The following RASGRF2 variants were observed in gnomAD, a reference collection of about 807,000 sequenced individuals.
The protein encoded by RASGRF2 is ras-specific guanine nucleotide-releasing factor 2.
Under a neutral mutation model 151.0 loss-of-function variants are expected in RASGRF2, and 76 were observed. The ratio of observed to expected loss-of-function variants is 0.50; its 90% CI spans 0.42 to 0.61. The LOEUF is 0.61. Among genes scored for constraint, RASGRF2 ranks in the 20% least tolerant of loss-of-function variants. RASGRF2 has a pLI of 0.00. For synonymous variants in RASGRF2, 504 were observed against 566.5 expected (o/e 0.89, Z 1.57); for missense variants, 1,148 against 1,564.6 (o/e 0.73, Z 4.49).
chr5:81,131,872 G>C, intron 17 of RASGRF2, among the ~76,000 whole-genome samples: 1 of 152,160 alleles, frequency 6.6e-6, no homozygotes, highest in South Asian at 2.1e-4. Context: ...ATTTTTAATG[G>C]ATTTTTATGT....
chr5:81,161,542 C>T (rs1223197624), intron 17 of RASGRF2, among the ~76,000 whole-genome samples: 1 of 152,200 alleles, frequency 6.6e-6, no homozygotes, highest in Non-Finnish European at 1.5e-5. Flanking sequence ...TGCGTTAAAT[C>T]CTTGCTCTCC....
At chr5:80,975,270 C>G (rs1194310362) in intron 1 of RASGRF2, among the ~76,000 whole-genome samples, 3 of 151,956 alleles carry the variant, frequency 2.0e-5, no homozygotes, top group African/African-American at 4.8e-5. Flanking sequence ...CCTTGCTGCT[C>G]ATGTCTTGGC....
At position 81,013,913 on chromosome 5, in the gene RASGRF2, T is replaced by C. The variant is rs562809356; in HGVS notation, c.289-28964T>C. ...TGTCTGATGGGTGACAATGTTTTGA[T>C]TGGCTTTTCTCTAAATTCTAGTGAG... is the stretch of plus-strand genomic sequence containing the variant. On this transcript the variant is annotated intron_variant, in intron 1 of 26. Coordinates refer to ENST00000265080, the MANE Select transcript of RASGRF2 (RefSeq NM_006909.3). 5.9e-5 allele frequency among the ~76,000 whole-genome samples: 9 copies of C among 152,194 alleles called. No individual in the cohort carries two copies. The South Asian group carries it at 1.9e-3, about 31-fold the overall frequency.
intron 1 of RASGRF2, among the ~76,000 whole-genome samples, chr5:80,969,494 G>A (rs10040586): frequency 0.077 from 11,164 of 145,874 alleles, 868 homozygotes; most frequent in African/African-American, 0.21. Context: ...TGTCACCCAC[G>A]CTGGAGTGCA....
intron 23 of RASGRF2, among the ~76,000 whole-genome samples, chr5:81,214,986 G>A (rs1755702457): frequency 6.6e-6 from 1 of 152,168 alleles, no homozygotes; most frequent in South Asian, 2.1e-4. Flanking sequence ...TAGTCATTTG[G>A]AGATTAACAC....
At chr5:81,158,578 C>T (rs553862707) in intron 17 of RASGRF2, among the ~76,000 whole-genome samples, 17 of 151,156 alleles carry the variant, frequency 1.1e-4, no homozygotes, top group Non-Finnish European at 1.5e-4. Context: ...GAATTCTATA[C>T]GAAATATATA....
intron 1 of RASGRF2, among the ~76,000 whole-genome samples, chr5:81,024,648 G>A (rs1212457201): frequency 6.6e-6 from 1 of 152,166 alleles, no homozygotes; most frequent in Non-Finnish European, 1.5e-5. Context: ...CTGTGGTAGG[G>A]GGAGGTGGGA....
intron 4 of RASGRF2, among the ~76,000 whole-genome samples, chr5:81,071,744 A>C (rs1010118945): frequency 6.6e-6 from 1 of 152,138 alleles, no homozygotes; most frequent in African/African-American, 2.4e-5. Flanking sequence ...AGACAAGATT[A>C]ATTCTATTGC....
At chr5:81,139,947 C>T (rs1437350326) in intron 17 of RASGRF2, among the ~76,000 whole-genome samples, 1 of 152,066 alleles carries the variant, frequency 6.6e-6, no homozygotes, top group Non-Finnish European at 1.5e-5. Flanking sequence ...TCCTCCTAAG[C>T]CTCCTGAGTA....
At chr5:81,107,796 A>T (rs749208706) in intron 12 of RASGRF2, among the ~76,000 whole-genome samples, 1 of 152,254 alleles carries the variant, frequency 6.6e-6, no homozygotes, top group Non-Finnish European at 1.5e-5. Context: ...ATTTATATGA[A>T]AATATAACTC....
chr5:81,173,106 G>C (rs1441274941), intron 17 of RASGRF2, among the ~76,000 whole-genome samples: 1 of 152,200 alleles, frequency 6.6e-6, no homozygotes, highest in Non-Finnish European at 1.5e-5. Flanking sequence ...GCCGGGCGCA[G>C]TGGCTCATGC....
At chr5:81,200,790 C>T (rs574522523) in intron 18 of RASGRF2, among the ~76,000 whole-genome samples, 3 of 152,290 alleles carry the variant, frequency 2.0e-5, no homozygotes, top group African/African-American at 7.2e-5. Flanking sequence ...TAAGAAGACT[C>T]CAGGGAGAGT....
At chr5:80,982,617 T>TA (rs75194087) in intron 1 of RASGRF2, among the ~76,000 whole-genome samples, 1 of 147,802 alleles carries the variant, frequency 6.8e-6, no homozygotes, top group African/African-American at 2.5e-5. Flanking sequence ...TTATTATTAT[T>TA]TGAGACAGAG....
At chr5:81,193,510 C>T (rs1456216575) in intron 18 of RASGRF2, among the ~76,000 whole-genome samples, 1 of 151,992 alleles carries the variant, frequency 6.6e-6, no homozygotes, top group Non-Finnish European at 1.5e-5. Context: ...CTGCTTTTTT[C>T]TTTTTTTCTT....
intron 2 of RASGRF2, among the ~76,000 whole-genome samples, chr5:81,055,874 C>A: frequency 6.6e-6 from 1 of 151,976 alleles, no homozygotes; most frequent in Non-Finnish European, 1.5e-5. Context: ...TGTATGTGTC[C>A]AGGAATTTAT....
chr5:81,069,046 AT>A lies in RASGRF2; in HGVS notation c.543+869del, dbSNP rs201561303. ...GAAACCTACTAGTAATTGTATCCTC[AT>A]TGACAGAAACAGTTTAGGCTTGTCA... On this transcript the variant is annotated intron_variant, in intron 3 of 26. Transcript: ENST00000265080. Among the ~76,000 whole-genome samples the A allele has an allele frequency of 3.8e-3, 575 of 152,344 alleles. 2 individuals are homozygous for A. The highest frequency in any genetic ancestry group is 0.014 in the African/African-American group (563 of 41,574).
At chr5:81,011,695 C>T (rs1253266469) in intron 1 of RASGRF2, among the ~76,000 whole-genome samples, 2 of 151,302 alleles carry the variant, frequency 1.3e-5, no homozygotes, top group African/African-American at 4.9e-5. Flanking sequence ...GAGCTGAGAT[C>T]GAGCCATTGC....
At chr5:81,126,209 C>T (rs1753449003) in intron 16 of RASGRF2, among the ~76,000 whole-genome samples, 1 of 152,158 alleles carries the variant, frequency 6.6e-6, no homozygotes, top group Admixed American at 6.5e-5. Flanking sequence ...GTGTACAGTC[C>T]GAGGAGTGAA....
chr5:81,085,714 G>C, intron 7 of RASGRF2, 88 bp from the exon 8 acceptor site: 1 of 1,554,714 alleles, frequency 6.4e-7, no homozygotes, highest in Non-Finnish European at 8.7e-7. Context: ...GTAGAGACAA[G>C]CTTCTCGAAG....
Sources: gnomAD v4.1 joint callset for allele counts (sites outside exome capture counted in the v4.1 genomes callset) on GRCh38, gnomAD v4.1.1 for gene constraint, MANE v1.5 for transcripts, NCBI Gene and HGNC (gene_info 2026-07-23, HGNC 2026-07-21) for gene names.